The following TXNDC15 variants were observed in gnomAD, a reference collection of about 807,000 sequenced individuals.
TXNDC15 encodes the protein thioredoxin domain-containing protein 15.
Under a neutral mutation model 35.0 loss-of-function variants are expected in TXNDC15, and 24 were observed. The observed-to-expected ratio is 0.68, with a 90% CI of 0.50 to 0.96. TXNDC15 has a LOEUF of 0.96. Among genes scored for constraint, TXNDC15 ranks in the 40% least tolerant of loss-of-function variants. The probability of loss-of-function intolerance (pLI) is 0.00; values close to 1 mark genes in which losing one functional copy is unlikely to be tolerated. For missense variants in TXNDC15, 385 were observed against 453.3 expected (o/e 0.85, Z 1.37); for synonymous variants, 169 against 174.0 (o/e 0.97, Z 0.23).
chr5:134,888,212 C>A (rs1750317800), intron 2 of TXNDC15, 30 bp downstream of exon 2: 1 of 1,546,082 alleles, frequency 6.5e-7, no homozygotes, highest in African/African-American at 1.4e-5. Flanking sequence ...TGCTTTTCTC[C>A]TTTTCAGTAC....
At chr5:134,885,775 G>T (rs1464860582) in intron 1 of TXNDC15, among the ~76,000 whole-genome samples, 1 of 152,122 alleles carries the variant, frequency 6.6e-6, no homozygotes, top group Non-Finnish European at 1.5e-5. Flanking sequence ...TTCATTTGTC[G>T]CCTGTTTCTC....
At chr5:134,883,505 G>A (rs573934797) in intron 1 of TXNDC15, among the ~76,000 whole-genome samples, 20 of 150,506 alleles carry the variant, frequency 1.3e-4, no homozygotes, top group African/African-American at 4.2e-4. Flanking sequence ...TGCTTGGGAG[G>A]CTGAGGTGGT....
rs184061578 is a variant in TXNDC15, at chr5:134,877,947, G to T, written c.103+3417G>T. On this transcript the variant is annotated intron_variant, in intron 1 of 4. Transcript: ENST00000358387. ...GTCACTACACCCCGGCTAATTTTTG[G>T]TATTTTTAGTAGAGATGGGGTTTCG... 2.7e-3 allele frequency among the ~76,000 whole-genome samples: 405 copies of T among 152,148 alleles called. 1 individual carries two copies. Among genetic ancestry groups the T allele is most frequent in the Admixed American group, 6.5e-3 (100 of 15,284 alleles).
At chr5:134,874,187 A>G, upstream of TXNDC15, 1 of 498,300 alleles carries the variant, frequency 2.0e-6, no homozygotes, top group South Asian at 2.6e-5. Context: ...TGGGGTCAGC[A>G]GAGTTCAAAA....
At position 134,899,662 on chromosome 5, in the gene TXNDC15, C is replaced by T; in HGVS notation, c.1060C>T (p.Gln354Ter). The change falls in exon 5 of 5, where the codon CAA (glutamine) becomes TAA (stop). Residue 354 changes from glutamine to a stop codon, truncating the protein, a stop_gained. Coordinates refer to ENST00000358387, the MANE Select transcript of TXNDC15 (RefSeq NM_024715.4). LOFTEE classifies it high-confidence loss of function. ...GAGTATTCGGTGGCTAATTCCAGGACAAGAGCAGGAACATGTGGAGTAGTG... is the reference window on the plus strand; with the variant it reads ...GAGTATTCGGTGGCTAATTCCAGGATAAGAGCAGGAACATGTGGAGTAGTG... ...TESIRWLIPG[Q>*]EQEHVE is the part of the protein sequence containing the mutation. 1 of 1,610,772 alleles carries T rather than the reference C, an allele frequency of 6.2e-7. No homozygotes were observed. The highest frequency in any genetic ancestry group is 8.5e-7 in the Non-Finnish European group (1 of 1,178,788).
intron 2 of TXNDC15, among the ~76,000 whole-genome samples, chr5:134,888,984 T>C (rs1237204627): frequency 6.6e-6 from 1 of 152,198 alleles, no homozygotes; most frequent in African/African-American, 2.4e-5. Flanking sequence ...GCATTCACAC[T>C]GCTTATGTAA....
chr5:134,874,670 C>G, intron 1 of TXNDC15, 140 bp downstream of exon 1: 1 of 674,340 alleles, frequency 1.5e-6, no homozygotes, highest in Non-Finnish European at 2.3e-6. Context: ...TCCCCGACTT[C>G]TCTCCCCGCG....
At chr5:134,890,794 A>G (rs2150188608) in intron 2 of TXNDC15, among the ~76,000 whole-genome samples, 1 of 152,356 alleles carries the variant, frequency 6.6e-6, no homozygotes, top group Middle Eastern at 3.4e-3. Context: ...CCCACAGTAG[A>G]ACTTCTTTCA....
chr5:134,895,527 C>T (rs1421682347), intron 3 of TXNDC15, among the ~76,000 whole-genome samples: 1 of 152,184 alleles, frequency 6.6e-6, no homozygotes, highest in Non-Finnish European at 1.5e-5. Context: ...GAGACTAAGG[C>T]TCTTGCTGTT....
chr5:134,883,543 G>C (rs564558630), intron 1 of TXNDC15, among the ~76,000 whole-genome samples: 27 of 136,376 alleles, frequency 2.0e-4, no homozygotes, highest in Middle Eastern at 4.4e-3. Flanking sequence ...GGAGGTGGTT[G>C]TGCCACTGTA....
chr5:134,880,704 A>G (rs914481978), intron 1 of TXNDC15, among the ~76,000 whole-genome samples: 1 of 152,014 alleles, frequency 6.6e-6, no homozygotes, highest in Non-Finnish European at 1.5e-5. Flanking sequence ...CGGTCTCCCT[A>G]AGTGCTGGGA....
intron 3 of TXNDC15, among the ~76,000 whole-genome samples, chr5:134,894,152 C>T (rs989741623): frequency 6.6e-6 from 1 of 151,752 alleles, no homozygotes; most frequent in Non-Finnish European, 1.5e-5. Flanking sequence ...CTTATTCTTG[C>T]AGTCATGTTC....
chr5:134,896,252 A>T, intron 3 of TXNDC15, 42 bp from the exon 4 acceptor site: 1 of 1,595,244 alleles, frequency 6.3e-7, no homozygotes, highest in South Asian at 1.1e-5. Flanking sequence ...AAAGCCCTCT[A>T]TTAATAATAA....
Position 134,900,384 on chromosome 5 carries a change from C to G in TXNDC15, c.*699C>G, listed in dbSNP as rs941046716. ...TGCATTAATTGAACCTTAAAATGTT[C>G]CCAGCAGGCTGGGCGCAGTGGCTCA... On this transcript the variant is annotated 3_prime_UTR_variant, in exon 5 of 5. Coordinates refer to ENST00000358387, the MANE Select transcript of TXNDC15 (RefSeq NM_024715.4). The G allele has an allele frequency of 1.3e-5, 2 of 152,242 alleles. No homozygotes were observed. Among genetic ancestry groups the G allele is most frequent in the Non-Finnish European group, 2.9e-5 (2 of 68,076 alleles). 9.4% of individuals were successfully genotyped at this position (152,242 alleles called of 1,614,324 possible). A position where few individuals can be genotyped will look rare whatever the true frequency, so the allele number is the denominator to read the frequency against.
At position 134,896,396 on chromosome 5, in the gene TXNDC15, A is replaced by G. The variant is rs761223027; in HGVS notation, c.858A>G (p.Thr286=). 5 of 1,613,718 alleles carry G rather than the reference A, an allele frequency of 3.1e-6. No homozygotes were observed. The South Asian group carries it at 4.4e-5, about 14-fold the overall frequency. The change falls in exon 4 of 5, where the codon ACA becomes ACG. Residue 286 remains threonine, a synonymous_variant. Transcript: ENST00000358387. The stretch of plus-strand genomic sequence containing the variant: ...ATCATACAGATCGAACACTGGAAAC[A>G]CTGAAAATCTTCATTTTTAATCAGA... ...RFNHTDRTLE[T]LKIFIFNQTG... is the part of the protein sequence containing the mutation.
In TXNDC15 at chr5:134,895,569, T is replaced by C. The variant is rs192972116; in HGVS notation, c.756-725T>C. ...TGGGCTGGGACATGTTTGCTTCTTA[T>C]GTTAATATTTAAGTTACAGCATGTG... On this transcript the variant is annotated intron_variant, in intron 3 of 4. Transcript: ENST00000358387. Among the ~76,000 whole-genome samples, 385 of 152,344 alleles carry C rather than the reference T, an allele frequency of 2.5e-3. 4 individuals are homozygous for C. Among genetic ancestry groups the C allele is most frequent in the Non-Finnish European group, 2.4e-3 (164 of 68,038 alleles).
At chr5:134,874,806 C>T (rs1051254021) in intron 1 of TXNDC15, among the ~76,000 whole-genome samples, 8 of 152,218 alleles carry the variant, frequency 5.3e-5, no homozygotes, top group African/African-American at 1.9e-4. Flanking sequence ...AGGGACAGTG[C>T]GGTAAGCGCT....
At chr5:134,894,348 C>T (rs1750446660) in intron 3 of TXNDC15, among the ~76,000 whole-genome samples, 2 of 151,720 alleles carry the variant, frequency 1.3e-5, no homozygotes, top group Non-Finnish European at 1.5e-5. Flanking sequence ...GCCACCATGC[C>T]AGGCTGGTCA....
At chr5:134,896,160 G>C (rs1750484876) in intron 3 of TXNDC15, 134 bp from the exon 4 acceptor site, 1 of 1,105,822 alleles carries the variant, frequency 9.0e-7, no homozygotes, top group African/African-American at 1.6e-5. Context: ...AAAGCCAAAA[G>C]TTTCAAGTAT....
Sources: gnomAD v4.1 joint callset for allele counts (sites outside exome capture counted in the v4.1 genomes callset) on GRCh38, gnomAD v4.1.1 for gene constraint, MANE v1.5 for transcripts, NCBI Gene and HGNC (gene_info 2026-07-23, HGNC 2026-07-21) for gene names.